NHEJ1: variants seen among roughly 807,000 people sequenced by gnomAD.
The protein encoded by NHEJ1 is non-homologous end joining factor 1, also known as non-homologous end-joining factor 1.
NHEJ1 carries 22 observed loss-of-function variants against 39.4 expected under a neutral mutation model. That is an observed-to-expected ratio of 0.56 (90% CI 0.40 to 0.80). NHEJ1 has a LOEUF of 0.80. Ranked by LOEUF, NHEJ1 falls within the 30% of genes least tolerant of loss-of-function variation. NHEJ1 has a pLI of 0.00. For missense variants in NHEJ1, 329 were observed against 357.1 expected (o/e 0.92, Z 0.63); for synonymous variants, 154 against 135.6 (o/e 1.14, Z -0.94).
At chr2:219,087,017 G>T (rs961181926) in intron 5 of NHEJ1, among the ~76,000 whole-genome samples, 5 of 151,880 alleles carry the variant, frequency 3.3e-5, no homozygotes, top group Non-Finnish European at 5.9e-5. Context: ...GTGGTTTCCT[G>T]GGGGGGACGG....
intron 5 of NHEJ1, among the ~76,000 whole-genome samples, chr2:219,090,356 T>C (rs1949149534): frequency 6.6e-6 from 1 of 152,246 alleles, no homozygotes; most frequent in South Asian, 2.1e-4. Context: ...GCCTGCACTA[T>C]GGAGTTATTA....
At chr2:219,150,095 T>C (rs1014712930) in intron 3 of NHEJ1, among the ~76,000 whole-genome samples, 2 of 152,262 alleles carry the variant, frequency 1.3e-5, no homozygotes, top group Non-Finnish European at 2.9e-5. Flanking sequence ...CTGGACTCTT[T>C]CAGACCTTTG....
chr2:219,095,082 A>C (rs1949193619), intron 5 of NHEJ1, among the ~76,000 whole-genome samples: 1 of 152,188 alleles, frequency 6.6e-6, no homozygotes, highest in South Asian at 2.1e-4. Context: ...GATCTAAAGA[A>C]AAGACTGACC....
chr2:219,069,966 T>C lies in NHEJ1; in HGVS notation c.*6415A>G, dbSNP rs980577111. On this transcript the variant is annotated 3_prime_UTR_variant, in exon 8 of 8. Coordinates refer to ENST00000356853, the MANE Select transcript of NHEJ1 (RefSeq NM_024782.3). ...TGTAGGAAATGTATTGGGAATGAGATAGAGAAATCCACATTCAACAAGAAA... is the reference window on the plus strand; with the variant it reads ...TGTAGGAAATGTATTGGGAATGAGACAGAGAAATCCACATTCAACAAGAAA... 6.6e-6 allele frequency among the ~76,000 whole-genome samples: 1 copy of C among 152,224 alleles called. No individual in the cohort carries two copies.
intron 5 of NHEJ1, among the ~76,000 whole-genome samples, chr2:219,127,980 C>CT (rs1228622895): frequency 6.6e-6 from 1 of 152,202 alleles, no homozygotes; most frequent in Non-Finnish European, 1.5e-5. Flanking sequence ...GATCAGATTG[C>CT]TTTTTACTGC....
At chr2:219,095,046 A>T (rs537464936) in intron 5 of NHEJ1, among the ~76,000 whole-genome samples, 1 of 152,334 alleles carries the variant, frequency 6.6e-6, no homozygotes, top group South Asian at 2.1e-4. Context: ...AAAGGCCACT[A>T]GCCAGAGTAG....
intron 5 of NHEJ1, among the ~76,000 whole-genome samples, chr2:219,125,158 T>G (rs1574727028): frequency 6.8e-6 from 1 of 146,194 alleles, no homozygotes; most frequent in South Asian, 2.1e-4. Context: ...CAAGAACTGA[T>G]AGACTTAAAA....
chr2:219,117,467 C>A (rs1438134484), intron 5 of NHEJ1, among the ~76,000 whole-genome samples: 1 of 152,198 alleles, frequency 6.6e-6, no homozygotes, highest in Non-Finnish European at 1.5e-5. Flanking sequence ...CTTCATGGGG[C>A]ACAGCCAAGA....
rs1949362587 is a variant in NHEJ1 at position 219,111,219 on chromosome 2, T to C, written c.589-33013A>G. On this transcript the variant is annotated intron_variant, in intron 5 of 7. Coordinates refer to ENST00000356853, the MANE Select transcript of NHEJ1 (RefSeq NM_024782.3). The surrounding 1 kb of genome is among the most constrained non-coding windows in gnomAD (Gnocchi z 4.1). ...CAATGCTCTATTATTCATAAAAGCA[T>C]AGACTACTAAAAGGTGGAAGCCAGA... Among the ~76,000 whole-genome samples the C allele has an allele frequency of 6.6e-6, 1 of 152,188 alleles. No homozygotes were observed. The highest frequency in any genetic ancestry group is 1.5e-5 in the Non-Finnish European group (1 of 68,034).
At chr2:219,158,899 G>T (rs1949884188) in intron 1 of NHEJ1, 1 of 177,632 alleles carries the variant, frequency 5.6e-6, no homozygotes. Context: ...CCTAAAACAG[G>T]TTCTTAATCT....
chr2:219,134,444 T>C (rs1293192344), intron 5 of NHEJ1, among the ~76,000 whole-genome samples: 1 of 152,230 alleles, frequency 6.6e-6, no homozygotes, highest in African/African-American at 2.4e-5. Context: ...TATTTGTTAG[T>C]TACCCTTTCT....
At chr2:219,114,058 T>C (rs1949389192) in intron 5 of NHEJ1, among the ~76,000 whole-genome samples, 1 of 152,086 alleles carries the variant, frequency 6.6e-6, no homozygotes, top group African/African-American at 2.4e-5. Context: ...CAAAGCAAAA[T>C]ATTCTTAGGG....
At position 219,153,699 on chromosome 2, in the gene NHEJ1, G is replaced by C. The variant is rs369392870; in HGVS notation, c.390+3773C>G. Among the ~76,000 whole-genome samples the C allele has an allele frequency of 4.2e-3, 540 of 129,678 alleles. 41 individuals carry two copies. The highest frequency in any genetic ancestry group is 0.014 in the African/African-American group (514 of 36,614). The allele number at this position is 129,678 out of a possible 152,430, so 85.1% of individuals were successfully genotyped here. On this transcript the variant is annotated intron_variant, in intron 3 of 7. Coordinates refer to ENST00000356853, the MANE Select transcript of NHEJ1 (RefSeq NM_024782.3). ...AAAAGAAAAAGAAAGAAAAGGGGGG[G>C]GGGGTGGAGAGAGAGAGAGAGAGCA... is the stretch of plus-strand genomic sequence containing the variant.
chr2:219,078,246 T>C (rs1432017830), intron 5 of NHEJ1, 40 bp from the exon 6 acceptor site: 8 of 1,539,580 alleles, frequency 5.2e-6, no homozygotes, highest in South Asian at 2.2e-5. Flanking sequence ...TTACACTGTA[T>C]TGCTAGAGAA....
chr2:219,087,610 C>T (rs1559187761), intron 5 of NHEJ1, among the ~76,000 whole-genome samples: 1 of 152,164 alleles, frequency 6.6e-6, no homozygotes, highest in Non-Finnish European at 1.5e-5. Flanking sequence ...TGGAGGGTGA[C>T]AGTGTCTTCT....
At position 219,074,359 on chromosome 2, in the gene NHEJ1, G is replaced by A. The variant is rs569081775; in HGVS notation, c.*2022C>T. 2.6e-5 allele frequency among the ~76,000 whole-genome samples: 4 copies of A among 152,260 alleles called. No individual in the cohort carries two copies. The highest frequency in any genetic ancestry group is 6.5e-5 in the Admixed American group (1 of 15,294). On this transcript the variant is annotated 3_prime_UTR_variant, in exon 8 of 8. Coordinates refer to ENST00000356853, the MANE Select transcript of NHEJ1 (RefSeq NM_024782.3). ...CAGGGAATGCCCAGGGTGAAGAACC[G>A]GTATTTTCTCCAAGCTTGCAGGGGA...
intron 5 of NHEJ1, among the ~76,000 whole-genome samples, chr2:219,142,108 A>C (rs1178244346): frequency 6.6e-6 from 1 of 152,216 alleles, no homozygotes; most frequent in African/African-American, 2.4e-5. Context: ...GCTAAGTCAA[A>C]TCAATGTTAA....
intron 5 of NHEJ1, among the ~76,000 whole-genome samples, chr2:219,141,933 A>G (rs1394984801): frequency 6.6e-6 from 1 of 152,162 alleles, no homozygotes; most frequent in Non-Finnish European, 1.5e-5. Context: ...AAGTTAAAGC[A>G]TTGCCCATCT....
intron 5 of NHEJ1, among the ~76,000 whole-genome samples, chr2:219,112,395 T>C (rs999820935): frequency 3.3e-5 from 5 of 152,104 alleles, no homozygotes; most frequent in African/African-American, 4.8e-5. Flanking sequence ...ACCATAAATA[T>C]CACGCATATA....
Sources: allele counts gnomAD v4.1 joint callset (sites outside exome capture counted in the v4.1 genomes callset), GRCh38; gene constraint gnomAD v4.1.1; non-coding constraint Gnocchi (gnomAD v3.1); transcripts MANE v1.5; gene names NCBI Gene and HGNC (gene_info 2026-07-23, HGNC 2026-07-21).